The following TCF7L2 variants were observed in gnomAD, a reference collection of about 807,000 sequenced individuals.
TCF7L2 encodes transcription factor 7-like 2.
TCF7L2 carries 23 observed loss-of-function variants against 77.9 expected under a neutral mutation model. The ratio of observed to expected loss-of-function variants is 0.30; its 90% CI spans 0.21 to 0.42. The LOEUF (loss-of-function observed/expected upper bound fraction) is 0.42. TCF7L2 is among the 10% of genes least tolerant of loss of function. The probability of loss-of-function intolerance (pLI) is 1.00; values close to 1 mark genes in which losing one functional copy is unlikely to be tolerated. For missense variants in TCF7L2, 654 were observed against 793.1 expected (o/e 0.82, Z 2.11); for synonymous variants, 413 against 340.2 (o/e 1.21, Z -2.36).
chr10:113,152,954 C>T (rs1053582847), intron 11 of TCF7L2, among the ~76,000 whole-genome samples: 9 of 152,178 alleles, frequency 5.9e-5, no homozygotes, highest in African/African-American at 2.2e-4. Flanking sequence ...AAGTTAGAAG[C>T]CTATTTCATC....
At chr10:113,027,818 C>T (rs548660478) in intron 4 of TCF7L2, among the ~76,000 whole-genome samples, 13 of 152,176 alleles carry the variant, frequency 8.5e-5, no homozygotes, top group Non-Finnish European at 1.2e-4. Context: ...CATGTCATGC[C>T]GTCCCCAGGA....
At chr10:113,091,751 G>A (rs2060430570) in intron 5 of TCF7L2, among the ~76,000 whole-genome samples, 1 of 152,124 alleles carries the variant, frequency 6.6e-6, no homozygotes, top group Admixed American at 6.6e-5. Context: ...CGGACTTTTC[G>A]CTGTCTTGCA....
chr10:113,119,724 C>T (rs1015317933), intron 5 of TCF7L2, among the ~76,000 whole-genome samples: 38 of 151,542 alleles, frequency 2.5e-4, no homozygotes, highest in African/African-American at 9.2e-4. Flanking sequence ...ACTAATTTTC[C>T]AGTTATGTGG....
intron 5 of TCF7L2, among the ~76,000 whole-genome samples, chr10:113,125,291 T>G (rs374084160): frequency 1.3e-5 from 2 of 152,034 alleles, no homozygotes; most frequent in African/African-American, 4.8e-5. Flanking sequence ...GAATAAAATC[T>G]GGACAGCTGT....
intron 5 of TCF7L2, among the ~76,000 whole-genome samples, chr10:113,094,188 G>A (rs1326481200): frequency 2.6e-5 from 4 of 152,168 alleles, no homozygotes; most frequent in Non-Finnish European, 5.9e-5. Flanking sequence ...AGAGACTTCC[G>A]CTAAATTTGC....
intron 4 of TCF7L2, among the ~76,000 whole-genome samples, chr10:112,985,612 C>T (rs141228887): frequency 2.2e-4 from 33 of 152,216 alleles, no homozygotes; most frequent in Middle Eastern, 3.4e-3. Context: ...CCCTTATGTT[C>T]GGTAAACAGA....
intron 5 of TCF7L2, among the ~76,000 whole-genome samples, chr10:113,121,797 A>AC (rs2064845657): frequency 6.9e-6 from 1 of 145,650 alleles, no homozygotes. Flanking sequence ...CACACACACA[A>AC]ATGAAGGCAA....
intron 5 of TCF7L2, among the ~76,000 whole-genome samples, chr10:113,107,774 A>AAAAAAAAAAAC (rs1408038947): frequency 3.3e-5 from 5 of 149,900 alleles, no homozygotes; most frequent in Admixed American, 6.8e-5. Flanking sequence ...AAAAAAAAAA[A>AAAAAAAAAAAC]AACAACAAAA....
intron 5 of TCF7L2, among the ~76,000 whole-genome samples, chr10:113,131,056 G>A (rs901279775): frequency 6.6e-5 from 10 of 152,122 alleles, no homozygotes; most frequent in African/African-American, 1.9e-4. Flanking sequence ...GTGAGCCACC[G>A]TGCCCGGCCG....
chr10:113,059,039 T>TA (rs1196005047), intron 5 of TCF7L2, among the ~76,000 whole-genome samples: 4 of 150,886 alleles, frequency 2.7e-5, no homozygotes, highest in African/African-American at 9.8e-5. Context: ...AAGGTGGGAG[T>TA]GGGGGATAAA....
At chr10:113,045,870 G>T (rs752503596) in intron 5 of TCF7L2, among the ~76,000 whole-genome samples, 1 of 152,076 alleles carries the variant, frequency 6.6e-6, no homozygotes, top group Non-Finnish European at 1.5e-5. Context: ...TTCCCATTTC[G>T]CAGTCAGGGC....
At chr10:113,150,325 T>C (rs1213019799) in intron 8 of TCF7L2, among the ~76,000 whole-genome samples, 1 of 152,094 alleles carries the variant, frequency 6.6e-6, no homozygotes, top group Non-Finnish European at 1.5e-5. Flanking sequence ...CTTTCCTTTT[T>C]TTTTTTGCAT....
chr10:113,161,832 G>A (rs187630352), intron 13 of TCF7L2, among the ~76,000 whole-genome samples: 114 of 152,292 alleles, frequency 7.5e-4, no homozygotes, highest in Non-Finnish European at 2.2e-4. Context: ...CATTAGAGGA[G>A]AGAGGGCCTG....
intron 4 of TCF7L2, among the ~76,000 whole-genome samples, chr10:113,030,982 A>G (rs971983760): frequency 6.6e-6 from 1 of 152,102 alleles, no homozygotes; most frequent in African/African-American, 2.4e-5. Flanking sequence ...GGACTGCACC[A>G]TTGCAGGGTC....
chr10:113,073,566 C>T (rs940774711), intron 5 of TCF7L2, among the ~76,000 whole-genome samples: 5 of 149,636 alleles, frequency 3.3e-5, no homozygotes, highest in African/African-American at 9.9e-5. Flanking sequence ...GTGGTGTGCT[C>T]CTATAGCTCC....
At chr10:113,077,240 C>CT (rs762361224) in intron 5 of TCF7L2, among the ~76,000 whole-genome samples, 32 of 152,248 alleles carry the variant, frequency 2.1e-4, no homozygotes, top group Non-Finnish European at 3.5e-4. Context: ...GTTGTATATT[C>CT]TTTTCCAATA....
At position 112,974,165 on chromosome 10, in the gene TCF7L2, C is replaced by T. The variant is rs566462312; in HGVS notation, c.450+9541C>T. 8.5e-5 allele frequency among the ~76,000 whole-genome samples: 13 copies of T among 152,302 alleles called. No homozygotes were observed. In the East Asian group the frequency reaches 1.9e-3, roughly 23 times the overall value. ...ATAAAATAAAACAATCTAGTTTTAC[C>T]GTTTTTACTTATATCATTTTAAAAC... On this transcript the variant is annotated intron_variant, in intron 4 of 13. Transcript: ENST00000627217.
chr10:113,105,084 T>C (rs2062118390), intron 5 of TCF7L2, among the ~76,000 whole-genome samples: 1 of 152,110 alleles, frequency 6.6e-6, no homozygotes, highest in African/African-American at 2.4e-5. Flanking sequence ...GGACACAAAT[T>C]ATGGGAAAGC....
intron 4 of TCF7L2, among the ~76,000 whole-genome samples, chr10:112,975,644 G>A (rs2039274848): frequency 6.6e-6 from 1 of 152,090 alleles, no homozygotes; most frequent in African/African-American, 2.4e-5. Flanking sequence ...ACCATGCTTG[G>A]CTAATTTTTG....
Sources: gnomAD v4.1 joint callset for allele counts (sites outside exome capture counted in the v4.1 genomes callset) on GRCh38, gnomAD v4.1.1 for gene constraint, MANE v1.5 for transcripts, NCBI Gene and HGNC (gene_info 2026-07-23, HGNC 2026-07-21) for gene names.